SIPA1L1: variants seen among roughly 807,000 people sequenced by gnomAD.
SIPA1L1 encodes signal induced proliferation associated 1 like 1, also known as signal-induced proliferation-associated 1-like protein 1.
SIPA1L1 carries 26 observed loss-of-function variants against 162.7 expected under a neutral mutation model. That is an observed-to-expected ratio of 0.16 (90% CI 0.12 to 0.22). The LOEUF (loss-of-function observed/expected upper bound fraction) is 0.22, where lower values mean the gene tolerates loss of function less well. Among genes scored for constraint, SIPA1L1 ranks in the 10% least tolerant of loss-of-function variants. SIPA1L1 has a pLI of 1.00. For missense variants in SIPA1L1, 1,874 were observed against 2,241.0 expected (o/e 0.84, Z 3.31); for synonymous variants, 829 against 837.4 (o/e 0.99, Z 0.17).
intron 3 of SIPA1L1, among the ~76,000 whole-genome samples, chr14:71,519,043 C>G (rs1269458347): frequency 2.6e-5 from 4 of 152,126 alleles, no homozygotes; most frequent in African/African-American, 9.7e-5. Flanking sequence ...TTCCCGGGGT[C>G]CCTCCCACAA....
At chr14:71,660,689 G>T (rs2043436365) in intron 9 of SIPA1L1, among the ~76,000 whole-genome samples, 3 of 152,120 alleles carry the variant, frequency 2.0e-5, no homozygotes, top group African/African-American at 7.2e-5. Flanking sequence ...GATGATTTGG[G>T]GTGCCTGAGT....
chr14:71,345,974 C>G (rs1345113272), intron 2 of SIPA1L1, among the ~76,000 whole-genome samples: 3 of 152,112 alleles, frequency 2.0e-5, no homozygotes, highest in African/African-American at 7.2e-5. Context: ...GTGGCACGAT[C>G]TTCGCTCACT....
intron 4 of SIPA1L1, among the ~76,000 whole-genome samples, chr14:71,583,832 A>G (rs953326661): frequency 2.6e-5 from 4 of 152,312 alleles, no homozygotes; most frequent in Admixed American, 2.6e-4. Flanking sequence ...AGGTAACAGC[A>G]TAGAGATGAT....
chr14:71,410,215 G>T (rs1478755233), intron 2 of SIPA1L1, among the ~76,000 whole-genome samples: 1 of 152,146 alleles, frequency 6.6e-6, no homozygotes, highest in Non-Finnish European at 1.5e-5. Context: ...ATCCGCTGGT[G>T]AGCCATTAAA....
chr14:71,693,075 C>G (rs765242687), intron 13 of SIPA1L1, among the ~76,000 whole-genome samples: 16 of 152,142 alleles, frequency 1.1e-4, no homozygotes, highest in Non-Finnish European at 1.8e-4. Flanking sequence ...ATGCTTGAAC[C>G]AGAAATGTTT....
chr14:71,350,192 G>T (rs917761020), intron 2 of SIPA1L1, among the ~76,000 whole-genome samples: 1 of 151,796 alleles, frequency 6.6e-6, no homozygotes, highest in Non-Finnish European at 1.5e-5. Context: ...GAGCCACCGC[G>T]CCTGGTTAAT....
At chr14:71,395,233 A>G (rs1234803265) in intron 2 of SIPA1L1, among the ~76,000 whole-genome samples, 2 of 152,210 alleles carry the variant, frequency 1.3e-5, no homozygotes, top group African/African-American at 2.4e-5. Context: ...GCCACAGAGC[A>G]TGTGTTGTTT....
At chr14:71,609,322 G>A (rs2037911649) in intron 5 of SIPA1L1, among the ~76,000 whole-genome samples, 1 of 152,110 alleles carries the variant, frequency 6.6e-6, no homozygotes. Flanking sequence ...AGGCTGGAGT[G>A]TAGTGGCATA....
intron 5 of SIPA1L1, among the ~76,000 whole-genome samples, chr14:71,590,556 G>T (rs2035252491): frequency 6.6e-6 from 1 of 152,036 alleles, no homozygotes; most frequent in Non-Finnish European, 1.5e-5. Context: ...TACATGATAG[G>T]TCCCATTCCA....
intron 12 of SIPA1L1, among the ~76,000 whole-genome samples, chr14:71,681,797 T>C (rs1423096181): frequency 1.3e-5 from 2 of 152,146 alleles, no homozygotes; most frequent in Non-Finnish European, 2.9e-5. Context: ...CCACAGGGTC[T>C]TAAGGAAAAA....
At chr14:71,577,407 C>T (rs1442496873) in intron 4 of SIPA1L1, among the ~76,000 whole-genome samples, 2 of 149,420 alleles carry the variant, frequency 1.3e-5, no homozygotes, top group Non-Finnish European at 3.0e-5. Flanking sequence ...AGACAAATCT[C>T]ACTCCGTTGC....
chr14:71,391,405 G>A (rs1307239987), intron 2 of SIPA1L1, among the ~76,000 whole-genome samples: 1 of 152,088 alleles, frequency 6.6e-6, no homozygotes, highest in African/African-American at 2.4e-5. Flanking sequence ...GCTCCCGGCC[G>A]CATTCAGTAT....
chr14:71,523,754 G>T (rs1008088355), intron 3 of SIPA1L1, among the ~76,000 whole-genome samples: 1 of 152,132 alleles, frequency 6.6e-6, no homozygotes, highest in African/African-American at 2.4e-5. Flanking sequence ...TACACATTCA[G>T]TTATTTATTT....
rs906640943 is a variant in SIPA1L1, at chr14:71,454,088, GGA to G, written c.-464-58652_-464-58651del. 4.4e-4 allele frequency among the ~76,000 whole-genome samples: 66 copies of G among 150,866 alleles called. 1 individual carries two copies. The highest frequency in any genetic ancestry group is 1.6e-3 in the African/African-American group (65 of 41,058). ...TCACTTGGCCATCTTAAAATAACAT[GGA>G]GACTGAACAAACCCTGTGTTCCCAG... is the stretch of plus-strand genomic sequence containing the variant. On this transcript the variant is annotated intron_variant, in intron 2 of 23. Transcript: ENST00000381232.
At chr14:71,496,405 G>C (rs1175289782) in intron 2 of SIPA1L1, among the ~76,000 whole-genome samples, 4 of 151,910 alleles carry the variant, frequency 2.6e-5, no homozygotes, top group Non-Finnish European at 4.4e-5. Flanking sequence ...GTTATTGTTT[G>C]ATTTTCAAGT....
rs762979083 is a variant in SIPA1L1, at chr14:71,661,475, T to C, written c.2255+8T>C. The C allele has an allele frequency of 5.6e-6, 9 of 1,611,086 alleles. No individual in the cohort carries two copies. The highest frequency in any genetic ancestry group is 5.5e-5 in the South Asian group (5 of 90,820). ...TGACAGTGTCTGTTATAGGTGTGTA[T>C]GGGTGTCACAGCAGGGGCTCTGTGG... On this transcript the variant is annotated splice_region_variant and intron_variant, in intron 10 of 23. Coordinates refer to ENST00000381232, the MANE Select transcript of SIPA1L1 (RefSeq NM_001386936.1).
At chr14:71,363,092 A>G (rs2037962930) in intron 2 of SIPA1L1, among the ~76,000 whole-genome samples, 1 of 152,178 alleles carries the variant, frequency 6.6e-6, no homozygotes, top group African/African-American at 2.4e-5. Context: ...TTTTTTGGGA[A>G]AGGGATTATC....
chr14:71,651,724 A>C (rs1388443268), intron 8 of SIPA1L1, among the ~76,000 whole-genome samples: 4 of 152,172 alleles, frequency 2.6e-5, no homozygotes, highest in Non-Finnish European at 5.9e-5. Flanking sequence ...TGATACTATA[A>C]ATGAATGGTC....
At chr14:71,676,483 T>A (rs1596869268) in intron 12 of SIPA1L1, among the ~76,000 whole-genome samples, 1 of 144,588 alleles carries the variant, frequency 6.9e-6, no homozygotes, top group African/African-American at 2.6e-5. Flanking sequence ...TTTTTTTTTT[T>A]AAGTATATAT....
Sources: gnomAD v4.1 joint callset for allele counts (sites outside exome capture counted in the v4.1 genomes callset) on GRCh38, gnomAD v4.1.1 for gene constraint, MANE v1.5 for transcripts, NCBI Gene and HGNC (gene_info 2026-07-23, HGNC 2026-07-21) for gene names.